The following C13orf42 variants were observed in gnomAD, a reference collection of about 807,000 sequenced individuals.
C13orf42 encodes the protein chromosome 13 open reading frame 42, also known as uncharacterized protein C13orf42.
At chr13:51,094,944 A>G (rs1424679253) in intron 1 of C13orf42, among the ~76,000 whole-genome samples, 2 of 152,118 alleles carry the variant, frequency 1.3e-5, no homozygotes, top group Non-Finnish European at 1.5e-5. Context: ...TTTTCATGAT[A>G]CTGAGTCTCT....
intron 1 of C13orf42, among the ~76,000 whole-genome samples, chr13:51,104,067 T>A (rs1953322921): frequency 1.3e-5 from 2 of 152,238 alleles, no homozygotes; most frequent in Admixed American, 6.5e-5. Context: ...GTTTCATATT[T>A]AAAGAAATAA....
chr13:51,116,832 T>G (rs60395954), intron 1 of C13orf42, among the ~76,000 whole-genome samples: 27,600 of 152,224 alleles, frequency 0.18, 2,936 homozygotes, highest in African/African-American at 0.29. Context: ...GTTGTCTGGG[T>G]CTAGGCACAA....
At chr13:51,165,452 C>G (rs1373584441) in intron 1 of C13orf42, among the ~76,000 whole-genome samples, 1 of 152,112 alleles carries the variant, frequency 6.6e-6, no homozygotes, top group Non-Finnish European at 1.5e-5. Context: ...CTGACTAATG[C>G]AGGAAGAAGA....
At chr13:51,121,815 G>A (rs990072241) in intron 1 of C13orf42, among the ~76,000 whole-genome samples, 3 of 152,140 alleles carry the variant, frequency 2.0e-5, no homozygotes, top group Admixed American at 6.5e-5. Flanking sequence ...AATTACGGGC[G>A]TGAGCCACCG....
At chr13:51,084,884 C>T (rs765148188) in intron 3 of C13orf42, among the ~76,000 whole-genome samples, 17 of 152,220 alleles carry the variant, frequency 1.1e-4, no homozygotes, top group South Asian at 2.1e-4. Context: ...AGACGTTCTA[C>T]ATCTTGGAGC....
intron 1 of C13orf42, among the ~76,000 whole-genome samples, chr13:51,145,910 A>C (rs1469537620): frequency 6.6e-6 from 1 of 152,216 alleles, no homozygotes; most frequent in East Asian, 1.9e-4. Flanking sequence ...CCTTGGGCAC[A>C]TGTCTCAGGA....
At chr13:51,097,570 C>T (rs1953248235) in intron 1 of C13orf42, among the ~76,000 whole-genome samples, 1 of 152,204 alleles carries the variant, frequency 6.6e-6, no homozygotes, top group East Asian at 1.9e-4. Flanking sequence ...TACACTATGA[C>T]ATTCCCGCAG....
chr13:51,109,131 A>G (rs898769299), intron 1 of C13orf42, among the ~76,000 whole-genome samples: 1 of 152,260 alleles, frequency 6.6e-6, no homozygotes, highest in Non-Finnish European at 1.5e-5. Context: ...CCACAGAGTC[A>G]GCACCAGGAC....
intron 1 of C13orf42, among the ~76,000 whole-genome samples, chr13:51,155,801 G>A (rs1593555429): frequency 6.6e-6 from 1 of 152,166 alleles, no homozygotes; most frequent in Admixed American, 6.5e-5. Context: ...AGAGACTCTG[G>A]TCAGGCATCA....
In C13orf42 at chr13:51,148,329, G is replaced by A. The variant is rs569142975; in HGVS notation, n.136+23924C>T. Reference sequence around the variant, plus strand: ...CAGGCACTGCAGCAGGAAGGACTACGTCAGCAACATAGCACACACGCACGG... The same window carrying A: ...CAGGCACTGCAGCAGGAAGGACTACATCAGCAACATAGCACACACGCACGG... On this transcript the variant is annotated intron_variant and non_coding_transcript_variant, in intron 1 of 4. Coordinates refer to the C13orf42 transcript ENST00000433280. 1.3e-4 allele frequency among the ~76,000 whole-genome samples: 20 copies of A among 152,334 alleles called. No homozygotes were observed. In the East Asian group the frequency reaches 3.1e-3, roughly 24 times the overall value.
At chr13:51,142,089 A>G (rs1405749876) in intron 1 of C13orf42, among the ~76,000 whole-genome samples, 1 of 152,254 alleles carries the variant, frequency 6.6e-6, no homozygotes, top group African/African-American at 2.4e-5. Context: ...ATGTAATTTA[A>G]TAAATAAGAC....
In C13orf42 at chr13:51,088,049, C is replaced by T. The variant is rs765964886; in HGVS notation, c.441G>A (p.Gln147=). The T allele has an allele frequency of 1.0e-5, 4 of 398,728 alleles. No homozygotes were observed. In the Admixed American group the frequency reaches 1.3e-4, roughly 13 times the overall value. 24.7% of individuals were successfully genotyped at this position (398,728 alleles called of 1,614,324 possible). A position where few individuals can be genotyped will look rare whatever the true frequency, so the allele number is the denominator to read the frequency against. Reference sequence around the variant, plus strand: ...TGGCCTCGGCCACATCAGCACTGAACTGCGAGTATTTCTTTGGGGTTGCTT... The same window carrying T: ...TGGCCTCGGCCACATCAGCACTGAATTGCGAGTATTTCTTTGGGGTTGCTT... ...IKKATPKKYS[Q]FSADVAEAIA... Residue 147 remains glutamine (Q), a synonymous_variant, in exon 2 of 4, where the codon CAG becomes CAA. Coordinates refer to ENST00000563710, the MANE Select transcript of C13orf42 (RefSeq NM_001351589.3).
chr13:51,150,192 G>A (rs935802354), intron 1 of C13orf42, among the ~76,000 whole-genome samples: 12 of 152,184 alleles, frequency 7.9e-5, no homozygotes, highest in African/African-American at 2.9e-4. Context: ...CTGTGGTGTC[G>A]TTTGTGGGAC....
chr13:51,170,736 C>T (rs1268006042), intron 1 of C13orf42, among the ~76,000 whole-genome samples: 1 of 152,156 alleles, frequency 6.6e-6, no homozygotes, highest in Non-Finnish European at 1.5e-5. Flanking sequence ...TCAGACCACG[C>T]AGGGACGCCT....
chr13:51,125,943 G>A (rs1194922923), intron 1 of C13orf42, among the ~76,000 whole-genome samples: 2 of 152,206 alleles, frequency 1.3e-5, no homozygotes, highest in Non-Finnish European at 2.9e-5. Context: ...GGGGCAGCAC[G>A]TCTGCAGGAT....
chr13:51,086,385 ATGTAT>A (rs1000731133), intron 2 of C13orf42, among the ~76,000 whole-genome samples: 15 of 152,144 alleles, frequency 9.9e-5, no homozygotes, highest in African/African-American at 3.1e-4. Flanking sequence ...GTAGCCCAAG[ATGTAT>A]TGTAAATTGT....
chr13:51,162,114 A>G (rs1593558271), intron 1 of C13orf42: 1 of 320,364 alleles, frequency 3.1e-6, no homozygotes, highest in East Asian at 7.6e-5. Context: ...TAAGCTGCAC[A>G]GACTATCATG....
At chr13:51,141,230 T>G (rs969458105) in intron 1 of C13orf42, among the ~76,000 whole-genome samples, 3 of 149,496 alleles carry the variant, frequency 2.0e-5, no homozygotes, top group Non-Finnish European at 3.0e-5. Context: ...GAGCCAAAGG[T>G]TTTTTTTTGT....
chr13:51,118,227 C>T (rs765466594), intron 1 of C13orf42, among the ~76,000 whole-genome samples: 1 of 152,172 alleles, frequency 6.6e-6, no homozygotes, highest in Non-Finnish European at 1.5e-5. Flanking sequence ...ATGAAGAAGA[C>T]ATTTTCTTCA....
Sources: gnomAD v4.1 joint callset for allele counts (sites outside exome capture counted in the v4.1 genomes callset) on GRCh38, gnomAD v4.1.1 for gene constraint, MANE v1.5 for transcripts, NCBI Gene and HGNC (gene_info 2026-07-23, HGNC 2026-07-21) for gene names.